The following NEK10 variants were observed in gnomAD, a reference collection of about 807,000 sequenced individuals.
NEK10 encodes the protein serine/threonine-protein kinase Nek10.
Under a neutral mutation model 159.8 loss-of-function variants are expected in NEK10, and 122 were observed. That is an observed-to-expected ratio of 0.76 (90% CI 0.66 to 0.89). NEK10 has a LOEUF of 0.89. NEK10 is among the 40% of genes least tolerant of loss of function. The pLI is 0.00. For synonymous variants in NEK10, 466 were observed against 457.1 expected, an observed-to-expected ratio of 1.02 and a Z score of -0.25; for missense variants, 1,342 against 1,323.1, an observed-to-expected ratio of 1.01 and a Z score of -0.22.
At position 27,280,495 on chromosome 3, in the gene NEK10, T is replaced by C. The variant is rs559754122; in HGVS notation, c.2014+4107A>G. ...TAAACCAGCAAGGAACCAAGCACGG[T>C]AGAATTCGACGAAAATTTATAAACT... is the stretch of plus-strand genomic sequence containing the variant. On this transcript the variant is annotated intron_variant, in intron 22 of 35. Transcript: ENST00000691995. 3.3e-5 allele frequency among the ~76,000 whole-genome samples: 5 copies of C among 152,262 alleles called. No homozygotes were observed. The South Asian group carries it at 1.0e-3, about 32-fold the overall frequency.
intron 5 of NEK10, among the ~76,000 whole-genome samples, chr3:27,326,464 G>C (rs2046008008): frequency 6.6e-6 from 1 of 152,162 alleles, no homozygotes; most frequent in Non-Finnish European, 1.5e-5. Context: ...ATTTTTTACT[G>C]TTAGCCATAT....
rs1945105215 is a variant in NEK10, at chr3:27,153,569, T to G, written c.2869+9132A>C. On this transcript the variant is annotated intron_variant, in intron 30 of 35. Coordinates refer to ENST00000691995, the MANE Select transcript of NEK10 (RefSeq NM_001394966.1). ...CATATGATAGGCCATAAAATGAGCC[T>G]CAATAAATGTTTAAAAATTGAAATT... Among the ~76,000 whole-genome samples, 3 of 152,138 alleles carry G rather than the reference T, an allele frequency of 2.0e-5. No individual in the cohort carries two copies. In the South Asian group the frequency reaches 6.2e-4, roughly 32 times the overall value.
chr3:27,307,526 T>A (rs1239594858), intron 11 of NEK10, among the ~76,000 whole-genome samples: 1 of 152,184 alleles, frequency 6.6e-6, no homozygotes, highest in Non-Finnish European at 1.5e-5. Flanking sequence ...TAATATACAA[T>A]TTGAAATTAC....
At chr3:27,296,846 G>A (rs2043388754) in intron 14 of NEK10, among the ~76,000 whole-genome samples, 1 of 152,066 alleles carries the variant, frequency 6.6e-6, no homozygotes, top group Non-Finnish European at 1.5e-5. Flanking sequence ...TAATCAAAAT[G>A]ATTGCTGTCC....
At chr3:27,321,138 G>A (rs2045594311) in intron 6 of NEK10, among the ~76,000 whole-genome samples, 1 of 149,514 alleles carries the variant, frequency 6.7e-6, no homozygotes, top group African/African-American at 2.5e-5. Flanking sequence ...TACGAGGGCA[G>A]GGCATAAAAG....
intron 25 of NEK10, chr3:27,194,552 C>A (rs562300902): frequency 6.6e-6 from 1 of 152,248 alleles, no homozygotes. Context: ...CCACTTTGTC[C>A]CCACTCCACT....
At chr3:27,213,387 C>T (rs771153003) in intron 23 of NEK10, among the ~76,000 whole-genome samples, 22 of 152,124 alleles carry the variant, frequency 1.4e-4, no homozygotes, top group Non-Finnish European at 2.2e-4. Context: ...GACAACAAGC[C>T]GTTTTCCTTG....
At chr3:27,213,895 T>C (rs1951245083) in intron 23 of NEK10, among the ~76,000 whole-genome samples, 1 of 152,254 alleles carries the variant, frequency 6.6e-6, no homozygotes, top group Non-Finnish European at 1.5e-5. Context: ...GAGAATCTCC[T>C]TCCCTTTCCA....
intron 23 of NEK10, among the ~76,000 whole-genome samples, chr3:27,251,393 G>C (rs1213059568): frequency 6.6e-6 from 1 of 152,194 alleles, no homozygotes; most frequent in African/African-American, 2.4e-5. Context: ...GATTTCTCAT[G>C]AATGGTTTAG....
intron 1 of NEK10, among the ~76,000 whole-genome samples, chr3:27,359,621 G>A (rs2048544341): frequency 1.3e-5 from 2 of 152,162 alleles, no homozygotes; most frequent in Admixed American, 6.5e-5. Flanking sequence ...AAGTCACATA[G>A]AGCAGCCAGA....
chr3:27,223,673 C>T (rs932515321), intron 23 of NEK10, among the ~76,000 whole-genome samples: 3 of 152,122 alleles, frequency 2.0e-5, no homozygotes, highest in African/African-American at 7.2e-5. Flanking sequence ...CTGTGTTTGC[C>T]TCTTAAGCAT....
intron 23 of NEK10, among the ~76,000 whole-genome samples, chr3:27,212,702 G>A (rs894650914): frequency 6.6e-6 from 1 of 152,232 alleles, no homozygotes; most frequent in South Asian, 2.1e-4. Flanking sequence ...TAGATAAGGA[G>A]AAAATGAGGA....
At chr3:27,250,508 A>G (rs1308307417) in intron 23 of NEK10, among the ~76,000 whole-genome samples, 1 of 152,072 alleles carries the variant, frequency 6.6e-6, no homozygotes, top group African/African-American at 2.4e-5. Flanking sequence ...ATTACCAGTG[A>G]GTTTTGTATG....
At chr3:27,148,928 TA>T (rs939679440) in intron 30 of NEK10, among the ~76,000 whole-genome samples, 79 of 151,988 alleles carry the variant, frequency 5.2e-4, no homozygotes, top group African/African-American at 1.8e-3. Flanking sequence ...CACATTACCC[TA>T]AAATGACCAT....
chr3:27,317,444 A>T (rs13084067), intron 6 of NEK10, among the ~76,000 whole-genome samples: 28,991 of 152,204 alleles, frequency 0.19, 2,812 homozygotes, highest in Non-Finnish European at 0.22. Flanking sequence ...TCTGAGTCTA[A>T]TGACTTGGAG....
intron 5 of NEK10, 30 bp downstream of exon 5, chr3:27,344,242 T>C (rs1400296695): frequency 9.3e-7 from 1 of 1,079,566 alleles, no homozygotes. Flanking sequence ...CACTCTTCAG[T>C]AAAAGCCTGT....
chr3:27,202,483 A>G lies in NEK10; in HGVS notation c.2165T>C (p.Met722Thr). 1 of 1,613,690 alleles carries G rather than the reference A, an allele frequency of 6.2e-7. No homozygotes were observed. The highest frequency in any genetic ancestry group is 8.5e-7 in the Non-Finnish European group (1 of 1,179,750). ...VWAVGCILYQ[M>T]ATLSPPFYST... Reference sequence around the variant, plus strand: ...GTAGAAGGGGGGACTCAAAGTCGCCATCTGATAAAGGATGCAGCCTACTGC... The same window carrying G: ...GTAGAAGGGGGGACTCAAAGTCGCCGTCTGATAAAGGATGCAGCCTACTGC... The change falls in exon 24 of 36, where the codon ATG becomes ACG. Residue 722 changes from methionine (M) to threonine (T), a missense_variant. Coordinates refer to ENST00000691995, the MANE Select transcript of NEK10 (RefSeq NM_001394966.1).
rs138009611 is a variant in NEK10, at chr3:27,213,555, A to G, written c.2091-10998T>C. 2.3e-3 allele frequency among the ~76,000 whole-genome samples: 357 copies of G among 152,342 alleles called. 2 individuals carry two copies. Among genetic ancestry groups the G allele is most frequent in the African/African-American group, 7.9e-3 (328 of 41,572 alleles). ...AATTTTAAGCCCCTCGACCGAATCC[A>G]TGGACCCATCCTGTAGGCCAAGGGA... On this transcript the variant is annotated intron_variant, in intron 23 of 35. Transcript: ENST00000691995.
At chr3:27,172,479 G>T (rs931369950) in intron 28 of NEK10, among the ~76,000 whole-genome samples, 7 of 150,700 alleles carry the variant, frequency 4.6e-5, no homozygotes, top group Non-Finnish European at 1.0e-4. Context: ...ATATCAAAAA[G>T]ATATCTCTAC....
Sources: allele counts gnomAD v4.1 joint callset (sites outside exome capture counted in the v4.1 genomes callset), GRCh38; gene constraint gnomAD v4.1.1; transcripts MANE v1.5; gene names NCBI Gene and HGNC (gene_info 2026-07-23, HGNC 2026-07-21).